Variants in RNF217 observed in about 807,000 individuals in gnomAD.
The protein encoded by RNF217 is E3 ubiquitin-protein ligase RNF217.
RNF217 carries 31 observed loss-of-function variants against 57.8 expected under a neutral mutation model. The observed-to-expected ratio is 0.54, with a 90% CI of 0.40 to 0.72. RNF217 has a LOEUF of 0.72. Ranked by LOEUF, RNF217 falls within the 30% of genes least tolerant of loss-of-function variation. The pLI is 0.00. For synonymous variants in RNF217, 313 were observed against 294.0 expected, an observed-to-expected ratio of 1.06 and a Z score of -0.66; for missense variants, 696 against 708.3, an observed-to-expected ratio of 0.98 and a Z score of 0.20.
chr6:125,082,616 A>C, intron 5 of RNF217: 1 of 1,580,242 alleles, frequency 6.3e-7, no homozygotes, highest in Non-Finnish European at 8.6e-7. Flanking sequence ...AGAAGATTTA[A>C]ACCAAAGTTT....
Position 125,085,866 on chromosome 6 carries a change from T to C in RNF217, c.*2929T>C, listed in dbSNP as rs922160278. ...AATATTCTTACTGTGCTGTGACTCTTTGTCATTTTATTATATATTAATAGA... is the reference window on the plus strand; with the variant it reads ...AATATTCTTACTGTGCTGTGACTCTCTGTCATTTTATTATATATTAATAGA... On this transcript the variant is annotated 3_prime_UTR_variant, in exon 6 of 6. Coordinates refer to ENST00000521654, the MANE Select transcript of RNF217 (RefSeq NM_001286398.3). 2 of 151,834 alleles carry C rather than the reference T, an allele frequency of 1.3e-5. No individual in the cohort carries two copies. The highest frequency in any genetic ancestry group is 4.8e-5 in the African/African-American group (2 of 41,370). 9.4% of individuals were successfully genotyped at this position (151,834 alleles called of 1,614,324 possible).
intron 1 of RNF217, among the ~76,000 whole-genome samples, chr6:125,036,443 G>A (rs1212962509): frequency 6.6e-6 from 1 of 152,128 alleles, no homozygotes; most frequent in Non-Finnish European, 1.5e-5. Flanking sequence ...TATATACCCA[G>A]TAATGGGATT....
rs1157460361 is a variant in RNF217 at position 125,089,240 on chromosome 6, T to A, written c.*6303T>A. 3 of 152,184 alleles carry A rather than the reference T, an allele frequency of 2.0e-5. No homozygotes were observed. Among genetic ancestry groups the A allele is most frequent in the Non-Finnish European group, 2.9e-5 (2 of 68,030 alleles). 9.4% of individuals were successfully genotyped at this position (152,184 alleles called of 1,614,324 possible). A position where few individuals can be genotyped will look rare whatever the true frequency, so the allele number is the denominator to read the frequency against. On this transcript the variant is annotated 3_prime_UTR_variant, in exon 6 of 6. Transcript: ENST00000521654. The stretch of plus-strand genomic sequence containing the variant: ...GCCTAATAATAGTCTAAAACCAAGC[T>A]TCAGAAATTGCTTCGTGACTGTTGT...
rs1788876658 is a variant in RNF217, at chr6:125,089,697, T to G, written c.*6760T>G. On this transcript the variant is annotated 3_prime_UTR_variant, in exon 6 of 6. Coordinates refer to ENST00000521654, the MANE Select transcript of RNF217 (RefSeq NM_001286398.3). ...AGTGTTAAAGGACCCCAGAAATTGC[T>G]GAAATGTCCTTTTAGATTCTTGTGG... 3 of 152,188 alleles carry G rather than the reference T, an allele frequency of 2.0e-5. No individual in the cohort carries two copies. The allele number at this position is 152,188 out of a possible 1,614,324, so 9.4% of individuals were successfully genotyped here.
At chr6:125,033,043 A>G (rs564564698) in intron 1 of RNF217, among the ~76,000 whole-genome samples, 1 of 152,066 alleles carries the variant, frequency 6.6e-6, no homozygotes, top group Non-Finnish European at 1.5e-5. Flanking sequence ...TCATATGCTC[A>G]CTGGCCATTT....
At chr6:125,039,641 A>G (rs1039839185) in intron 1 of RNF217, among the ~76,000 whole-genome samples, 1 of 152,222 alleles carries the variant, frequency 6.6e-6, no homozygotes, top group African/African-American at 2.4e-5. Context: ...TTAACAGAAT[A>G]TACGTTTGTC....
At chr6:124,975,939 T>G (rs1036851294) in intron 1 of RNF217, among the ~76,000 whole-genome samples, 2 of 151,878 alleles carry the variant, frequency 1.3e-5, no homozygotes. Context: ...ATATTTTTCC[T>G]ATGTTATCAT....
chr6:124,992,360 A>G (rs1044364805), intron 1 of RNF217, among the ~76,000 whole-genome samples: 7 of 152,158 alleles, frequency 4.6e-5, no homozygotes, highest in African/African-American at 2.4e-5. Context: ...TCTATTCCCA[A>G]ATGAAAACTT....
At chr6:125,017,256 T>C (rs1474796262) in intron 1 of RNF217, among the ~76,000 whole-genome samples, 1 of 152,232 alleles carries the variant, frequency 6.6e-6, no homozygotes, top group Non-Finnish European at 1.5e-5. Context: ...TGAGTTACTA[T>C]ATTTTTCTTT....
rs1326902360 is a variant in RNF217 at position 125,089,306 on chromosome 6, A to T, written c.*6369A>T. On this transcript the variant is annotated 3_prime_UTR_variant, in exon 6 of 6. Coordinates refer to ENST00000521654, the MANE Select transcript of RNF217 (RefSeq NM_001286398.3). ...TTTGCGTATTAGTTGGACAGAAAGC[A>T]TGTGTGGACATTCATCCAACCTGAC... The T allele has an allele frequency of 6.6e-6, 1 of 152,218 alleles. No homozygotes were observed. Among genetic ancestry groups the T allele is most frequent in the Non-Finnish European group, 1.5e-5 (1 of 68,048 alleles). The allele number at this position is 152,218 out of a possible 1,614,324, so 9.4% of individuals were successfully genotyped here. A position where few individuals can be genotyped will look rare whatever the true frequency, so the allele number is the denominator to read the frequency against.
Position 125,082,880 on chromosome 6 carries a change from T to C in RNF217, c.1572T>C (p.Pro524=). 1 of 1,603,304 alleles carries C rather than the reference T, an allele frequency of 6.2e-7. No individual in the cohort carries two copies. The highest frequency in any genetic ancestry group is 8.5e-7 in the Non-Finnish European group (1 of 1,176,026). The change falls in exon 6 of 6, where the codon CCT becomes CCC. Residue 524 remains proline, a synonymous_variant. Coordinates refer to ENST00000521654, the MANE Select transcript of RNF217 (RefSeq NM_001286398.3). The part of the protein sequence containing the change: ...IAVVIGLFVF[P]IYCLCKKQRK... ...TATCCCTAGGTTTATTTGTATTTCC[T>C]ATCTATTGCCTTTGTAAAAAACAGA...
intron 1 of RNF217, among the ~76,000 whole-genome samples, chr6:125,013,345 TTGTGTA>T (rs373110846): frequency 0.068 from 7,678 of 112,242 alleles, 709 homozygotes; most frequent in African/African-American, 0.23. Context: ...CTTGCATGTT[TTGTGTA>T]TGTGTGTGTG....
At chr6:124,964,116 G>T (rs962040468) in intron 1 of RNF217, among the ~76,000 whole-genome samples, 5 of 151,970 alleles carry the variant, frequency 3.3e-5, no homozygotes, top group African/African-American at 4.8e-5. Flanking sequence ...TGAAAACTTG[G>T]TTTTTTTTCT....
chr6:125,073,304 T>C (rs1210293348), intron 3 of RNF217, among the ~76,000 whole-genome samples: 2 of 152,128 alleles, frequency 1.3e-5, no homozygotes, highest in African/African-American at 2.4e-5. Context: ...TAACCATTGA[T>C]AAACATGAAC....
intron 1 of RNF217, chr6:125,009,633 C>A (rs899360939): frequency 4.7e-6 from 1 of 214,898 alleles, no homozygotes. Context: ...TCCCTCCTGC[C>A]CTTCCTTCCT....
At chr6:124,979,269 A>T (rs1196720860) in intron 1 of RNF217, among the ~76,000 whole-genome samples, 3 of 152,212 alleles carry the variant, frequency 2.0e-5, no homozygotes, top group Admixed American at 1.3e-4. Context: ...CTGTCTTTGT[A>T]GGAGTAGAAA....
chr6:125,063,446 A>T (rs1021443557), intron 3 of RNF217, among the ~76,000 whole-genome samples: 2 of 152,182 alleles, frequency 1.3e-5, no homozygotes, highest in African/African-American at 2.4e-5. Context: ...CTGATACGCC[A>T]TCTCTATACA....
intron 3 of RNF217, among the ~76,000 whole-genome samples, chr6:125,070,773 T>C (rs559741292): frequency 4.6e-4 from 70 of 152,300 alleles, no homozygotes; most frequent in Non-Finnish European, 4.6e-4. Flanking sequence ...TCAAAAGTCA[T>C]TGAAGGAAAC....
rs894901028 is a variant in RNF217 at position 125,088,842 on chromosome 6, A to G, written c.*5905A>G. On this transcript the variant is annotated 3_prime_UTR_variant, in exon 6 of 6. Coordinates refer to ENST00000521654, the MANE Select transcript of RNF217 (RefSeq NM_001286398.3). Reference sequence around the variant, plus strand: ...GTGCTATATTCTGTCACTCTATTCCATTATTAATACTAAATGACTTTCCTT... The same window carrying G: ...GTGCTATATTCTGTCACTCTATTCCGTTATTAATACTAAATGACTTTCCTT... 1.3e-5 allele frequency: 2 copies of G among 152,538 alleles called. No homozygotes were observed. The highest frequency in any genetic ancestry group is 1.3e-4 in the Admixed American group (2 of 15,266). The allele number at this position is 152,538 out of a possible 1,614,324, so 9.4% of individuals were successfully genotyped here.
Sources: gnomAD v4.1 joint callset for allele counts (sites outside exome capture counted in the v4.1 genomes callset) on GRCh38, gnomAD v4.1.1 for gene constraint, MANE v1.5 for transcripts, NCBI Gene and HGNC (gene_info 2026-07-23, HGNC 2026-07-21) for gene names.